Variants in SHANK2 observed in about 807,000 individuals in gnomAD.
The protein encoded by SHANK2 is SH3 and multiple ankyrin repeat domains protein 2.
In SHANK2, 43 loss-of-function variants were observed where a neutral mutation model predicts 133.7. That is an observed-to-expected ratio of 0.32 (90% CI 0.25 to 0.41). The LOEUF (loss-of-function observed/expected upper bound fraction) is 0.41, where lower values mean the gene tolerates loss of function less well. Among genes scored for constraint, SHANK2 ranks in the 10% least tolerant of loss-of-function variants. The pLI is 1.00. For missense variants in SHANK2, 1,994 were observed against 2,235.8 expected, an observed-to-expected ratio of 0.89 and a Z score of 2.18; for synonymous variants, 1,017 against 952.8, an observed-to-expected ratio of 1.07 and a Z score of -1.24.
At chr11:70,948,456 A>G (rs1950786846) in intron 10 of SHANK2, 2 of 444,338 alleles carry the variant, frequency 4.5e-6, no homozygotes. Context: ...TGCACCGAAC[A>G]TCAGCCACAC....
intron 14 of SHANK2, among the ~76,000 whole-genome samples, chr11:70,735,955 G>A (rs1234103466): frequency 6.6e-6 from 1 of 151,766 alleles, no homozygotes; most frequent in Non-Finnish European, 1.5e-5. Flanking sequence ...CTTGCCTTGG[G>A]TACACACTCC....
At position 70,718,188 on chromosome 11, in the gene SHANK2, C is replaced by T. The variant is rs868946053; in HGVS notation, c.1778-19425G>A. On this transcript the variant is annotated intron_variant, in intron 14 of 25. Coordinates refer to ENST00000601538, the MANE Select transcript of SHANK2 (RefSeq NM_012309.5). Reference sequence around the variant, plus strand: ...ATTCAACCCGGCTATTAGGATGGGCCGGAGGTGTCACTTAGAGGCGGCAGC... The same window carrying T: ...ATTCAACCCGGCTATTAGGATGGGCTGGAGGTGTCACTTAGAGGCGGCAGC... Among the ~76,000 whole-genome samples, 4 of 152,286 alleles carry T rather than the reference C, an allele frequency of 2.6e-5. No individual in the cohort carries two copies. The Middle Eastern group carries it at 0.014, about 518-fold the overall frequency.
At chr11:70,629,356 T>G (rs2060948781) in intron 17 of SHANK2, among the ~76,000 whole-genome samples, 1 of 152,070 alleles carries the variant, frequency 6.6e-6, no homozygotes, top group Admixed American at 6.5e-5. Context: ...GTTTGGTCAG[T>G]TCTCTGTCAT....
At chr11:70,784,353 T>TG (rs1565313680) in intron 14 of SHANK2, among the ~76,000 whole-genome samples, 12 of 125,290 alleles carry the variant, frequency 9.6e-5, no homozygotes, top group African/African-American at 3.6e-4. Context: ...GTTTTTTTTT[T>TG]TTTTTTTTTT....
intron 17 of SHANK2, among the ~76,000 whole-genome samples, chr11:70,563,970 C>A (rs184973492): frequency 6.6e-6 from 1 of 152,212 alleles, no homozygotes; most frequent in Non-Finnish European, 1.5e-5. Context: ...TATTTGTCCA[C>A]GATCTGCTCA....
At chr11:70,873,036 C>T (rs1555070496) in intron 11 of SHANK2, 1 of 471,216 alleles carries the variant, frequency 2.1e-6, no homozygotes, top group Non-Finnish European at 4.4e-6. Context: ...GGAGGTAGTT[C>T]CCACGTCCAT....
intron 14 of SHANK2, among the ~76,000 whole-genome samples, chr11:70,712,635 C>G (rs1022943340): frequency 1.3e-5 from 2 of 152,226 alleles, no homozygotes; most frequent in Non-Finnish European, 2.9e-5. Flanking sequence ...TTATGGTGAG[C>G]CCTAGGGCGG....
At chr11:71,078,362 G>C (rs1484518642) in intron 8 of SHANK2, among the ~76,000 whole-genome samples, 2 of 151,934 alleles carry the variant, frequency 1.3e-5, no homozygotes, top group Non-Finnish European at 2.9e-5. Context: ...CTTTACAACA[G>C]CAAGCCAACT....
chr11:71,117,149 A>G (rs1443126744), intron 4 of SHANK2, among the ~76,000 whole-genome samples: 14 of 152,256 alleles, frequency 9.2e-5, no homozygotes, highest in African/African-American at 3.4e-4. Context: ...CCCCCCGAGT[A>G]GCTGGGATTA....
intron 17 of SHANK2, among the ~76,000 whole-genome samples, chr11:70,576,080 G>T (rs1225257846): frequency 2.0e-5 from 3 of 152,050 alleles, no homozygotes; most frequent in Non-Finnish European, 2.9e-5. Flanking sequence ...GCATTTCACG[G>T]GCTTAAATTT....
chr11:70,876,974 A>C (rs1555071464), intron 11 of SHANK2, among the ~76,000 whole-genome samples: 1 of 152,168 alleles, frequency 6.6e-6, no homozygotes, highest in Non-Finnish European at 1.5e-5. Context: ...TCCACAAGGG[A>C]CTGAGACCCG....
intron 17 of SHANK2, among the ~76,000 whole-genome samples, chr11:70,551,980 G>C (rs1367227848): frequency 6.6e-6 from 1 of 152,236 alleles, no homozygotes; most frequent in Non-Finnish European, 1.5e-5. Flanking sequence ...GCCCGTGGGG[G>C]TGTGAGCTTC....
rs2058627441 is a variant in SHANK2 at position 70,473,729 on chromosome 11, CA to C, written c.4980-291del. On this transcript the variant is annotated intron_variant, in intron 25 of 25. Coordinates refer to ENST00000601538, the MANE Select transcript of SHANK2 (RefSeq NM_012309.5). The surrounding 1 kb of genome is among the most constrained non-coding windows in gnomAD (Gnocchi z 5.9). ...CTGGGGGGAGCACACCACGTCAGCC[CA>C]CTCACCTGAACTGGGACAGAGGGGC... The C allele has an allele frequency of 2.0e-6, 1 of 492,538 alleles. No homozygotes were observed. The allele number at this position is 492,538 out of a possible 1,614,324, so 30.5% of individuals were successfully genotyped here.
chr11:70,723,386 A>G (rs1555029720), intron 14 of SHANK2, among the ~76,000 whole-genome samples: 1 of 151,786 alleles, frequency 6.6e-6, no homozygotes. Flanking sequence ...AAGGAGACAC[A>G]GGTGGCCTCT....
intron 8 of SHANK2, among the ~76,000 whole-genome samples, chr11:71,085,801 C>A (rs1470040729): frequency 5.5e-5 from 3 of 54,916 alleles, no homozygotes; most frequent in African/African-American, 7.9e-5. Context: ...TATGATACAA[C>A]ATAATATATT....
intron 11 of SHANK2, among the ~76,000 whole-genome samples, chr11:70,856,046 A>G (rs1396538384): frequency 1.3e-5 from 2 of 151,518 alleles, no homozygotes; most frequent in African/African-American, 4.8e-5. Flanking sequence ...TGGATAAATG[A>G]ACAGGTGAGT....
chr11:71,190,408 AC>A (rs1555115173), intron 2 of SHANK2, among the ~76,000 whole-genome samples: 1 of 151,464 alleles, frequency 6.6e-6, no homozygotes, highest in East Asian at 1.9e-4. Flanking sequence ...CTCCATCCAG[AC>A]CCTTAAGCAT....
intron 21 of SHANK2, 27 bp from the exon 22 acceptor site, chr11:70,492,492 C>G (rs1555156159): frequency 6.2e-7 from 1 of 1,613,364 alleles, no homozygotes; most frequent in South Asian, 1.1e-5. Flanking sequence ...AGGATTGGAG[C>G]AGCAACACCA....
chr11:70,572,711 G>A (rs1256922562), intron 17 of SHANK2, among the ~76,000 whole-genome samples: 1 of 152,130 alleles, frequency 6.6e-6, no homozygotes, highest in Non-Finnish European at 1.5e-5. Context: ...ACAATGAGAC[G>A]CCACCTCACA....
Sources: allele counts gnomAD v4.1 joint callset (sites outside exome capture counted in the v4.1 genomes callset), GRCh38; gene constraint gnomAD v4.1.1; non-coding constraint Gnocchi (gnomAD v3.1); transcripts MANE v1.5; gene names NCBI Gene and HGNC (gene_info 2026-07-23, HGNC 2026-07-21).